The following GALNT12 variants were observed in gnomAD, a reference collection of about 807,000 sequenced individuals.
GALNT12 encodes polypeptide N-acetylgalactosaminyltransferase 12.
Under a neutral mutation model 55.5 loss-of-function variants are expected in GALNT12, and 45 were observed. That is an observed-to-expected ratio of 0.81 (90% confidence interval 0.64 to 1.04). The LOEUF (loss-of-function observed/expected upper bound fraction) is 1.04. Among genes scored for constraint, GALNT12 ranks in the 50% least tolerant of loss-of-function variants. GALNT12 has a pLI of 0.00. For missense variants in GALNT12, 709 were observed against 754.8 expected (o/e 0.94, Z 0.71); for synonymous variants, 304 against 312.2 (o/e 0.97, Z 0.28).
chr9:98,840,067 G>A lies in GALNT12; in HGVS notation c.1278G>A (p.Lys426=). 3.1e-6 allele frequency: 5 copies of A among 1,614,234 alleles called. No individual in the cohort carries two copies. The highest frequency in any genetic ancestry group is 4.2e-6 in the Non-Finnish European group (5 of 1,180,034). Reference sequence around the variant, plus strand: ...ACAAGCTCCAGTGTAAAGACTTCAAGTGGTTCTTGGAGACTGTGTATCCAG... The same window carrying A: ...ACAAGCTCCAGTGTAAAGACTTCAAATGGTTCTTGGAGACTGTGTATCCAG... The part of the protein sequence containing the change: ...LRDKLQCKDF[K]WFLETVYPEL... Residue 426 remains lysine (K), a synonymous_variant, in exon 7 of 10, where the codon AAG becomes AAA. Coordinates refer to ENST00000375011, the MANE Select transcript of GALNT12 (RefSeq NM_024642.5).
At chr9:98,841,753 C>T (rs922204766) in intron 7 of GALNT12, among the ~76,000 whole-genome samples, 4 of 152,078 alleles carry the variant, frequency 2.6e-5, no homozygotes, top group African/African-American at 4.8e-5. Flanking sequence ...TCACTGCAAC[C>T]TCTGCCTCAT....
At position 98,836,985 on chromosome 9, in the gene GALNT12, G is replaced by A. The variant is rs769466991; in HGVS notation, c.1049G>A (p.Gly350Asp). The A allele has an allele frequency of 2.5e-6, 4 of 1,613,990 alleles. No individual in the cohort carries two copies. Among genetic ancestry groups the A allele is most frequent in the African/African-American group, 1.3e-5 (1 of 74,894 alleles). Residue 350 changes from glycine (G) to aspartate (D), a missense_variant, in exon 6 of 10, where the codon GGT becomes GAT. By Grantham distance (94) the Gly-to-Asp change is moderately conservative (BLOSUM62 -1). Transcript: ENST00000375011. Reference sequence around the variant, plus strand: ...CTCTGTGTGCAGATCTGGCAGTGTGGTGGGGTTCTGGAAACACACCCATGT... The same window carrying A: ...CTCTGTGTGCAGATCTGGCAGTGTGATGGGGTTCTGGAAACACACCCATGT... ...LEFSFRIWQC[G>D]GVLETHPCSH...
rs955510774 is a variant in GALNT12 at position 98,846,011 on chromosome 9, A to G, written c.1493A>G (p.Tyr498Cys). ...TACACGTCCCAGAAAGAAATACGCT[A>G]TAACACCCACCAGCCTGAGGGCTGC... is the stretch of plus-strand genomic sequence containing the variant. ...FEYTSQKEIR[Y>C]NTHQPEGCIA... The change falls in exon 9 of 10, where the codon TAT (tyrosine) becomes TGT (cysteine). Residue 498 changes from tyrosine to cysteine, a missense_variant. By Grantham distance (194) the Tyr-to-Cys change is radical (BLOSUM62 -2). Coordinates refer to ENST00000375011, the MANE Select transcript of GALNT12 (RefSeq NM_024642.5). 42 of 1,614,056 alleles carry G rather than the reference A, an allele frequency of 2.6e-5. No homozygotes were observed. Among genetic ancestry groups the G allele is most frequent in the Non-Finnish European group, 3.4e-5 (40 of 1,180,022 alleles).
intron 1 of GALNT12, among the ~76,000 whole-genome samples, chr9:98,821,477 T>G (rs1835734905): frequency 6.6e-6 from 1 of 151,654 alleles, no homozygotes; most frequent in Admixed American, 6.6e-5. Flanking sequence ...AAAACAAAAT[T>G]AGCCGGGTGT....
At chr9:98,837,291 C>T (rs1042402532) in intron 6 of GALNT12, 143 bp downstream of exon 6, 1 of 799,826 alleles carries the variant, frequency 1.3e-6, no homozygotes, top group Admixed American at 1.9e-5. Flanking sequence ...AGAATTTATT[C>T]CTCCATTTAT....
rs376972328 is a variant in GALNT12, at chr9:98,818,374, C to T, written c.372-4882C>T. Among the ~76,000 whole-genome samples the T allele has an allele frequency of 2.7e-4, 41 of 152,246 alleles. No individual in the cohort carries two copies. In the East Asian group the frequency reaches 5.0e-3, roughly 19 times the overall value. On this transcript the variant is annotated intron_variant, in intron 1 of 9. Coordinates refer to ENST00000375011, the MANE Select transcript of GALNT12 (RefSeq NM_024642.5). The stretch of plus-strand genomic sequence containing the variant: ...AGTAGCTGGGATTACAGGCAGGCGC[C>T]GCCATGCCCGGCTAATTTTTTTGTA...
At chr9:98,845,287 C>T (rs1283744829) in intron 8 of GALNT12, among the ~76,000 whole-genome samples, 1 of 152,054 alleles carries the variant, frequency 6.6e-6, no homozygotes, top group Non-Finnish European at 1.5e-5. Flanking sequence ...TTAAGAACAC[C>T]CACCTGTGTC....
chr9:98,808,022 C>G lies in GALNT12; in HGVS notation c.324C>G (p.Ser108Arg). 1 of 1,572,326 alleles carries G rather than the reference C, an allele frequency of 6.4e-7. No homozygotes were observed. The highest frequency in any genetic ancestry group is 8.6e-7 in the Non-Finnish European group (1 of 1,162,476). Residue 108 changes from serine to arginine, a missense_variant, in exon 1 of 10, where the codon AGC (serine) becomes AGG (arginine). This residue lies in a region of GALNT12 where 315 missense variants were observed against 288.6 expected (regional missense o/e 1.09). Transcript: ENST00000375011. ...TGCACCAGATTAACATCTACCTCAG[C>G]GACCGCATCTCACTGCACCGCCGCC... ...VRLHQINIYL[S>R]DRISLHRRLP... is the part of the protein sequence containing the mutation.
At chr9:98,842,808 T>TAA (rs71498708) in intron 7 of GALNT12, among the ~76,000 whole-genome samples, 3,964 of 151,242 alleles carry the variant, frequency 0.026, 63 homozygotes, top group African/African-American at 0.031. Flanking sequence ...GTAACCATAT[T>TAA]AAAAAAAAAG....
chr9:98,838,437 C>T (rs1167544641), intron 6 of GALNT12, among the ~76,000 whole-genome samples: 1 of 152,216 alleles, frequency 6.6e-6, no homozygotes, highest in Non-Finnish European at 1.5e-5. Context: ...GTCTCAGCCA[C>T]ACACTACAGG....
chr9:98,845,843 A>G (rs1292256331), intron 8 of GALNT12, 134 bp from the exon 9 acceptor site: 22 of 870,972 alleles, frequency 2.5e-5, no homozygotes, highest in Non-Finnish European at 3.2e-5. Flanking sequence ...CCCATCACAC[A>G]GGCTCGTGTT....
At chr9:98,831,083 G>A (rs765751955) in intron 3 of GALNT12, among the ~76,000 whole-genome samples, 1 of 152,202 alleles carries the variant, frequency 6.6e-6, no homozygotes, top group Non-Finnish European at 1.5e-5. Flanking sequence ...TTGTAATAAT[G>A]TGGAGAGAAC....
chr9:98,844,615 ACCTT>A (rs1836371386), intron 8 of GALNT12: 2 of 252,520 alleles, frequency 7.9e-6, no homozygotes, highest in Non-Finnish European at 1.5e-5. Context: ...TGCCTCTAAC[ACCTT>A]GGGTCAGACA....
chr9:98,839,873 A>G (rs767226022), intron 6 of GALNT12, 129 bp from the exon 7 acceptor site: 2 of 1,120,508 alleles, frequency 1.8e-6, no homozygotes, highest in East Asian at 2.4e-5. Flanking sequence ...TGCTCCACAC[A>G]GGGCCTGGCA....
chr9:98,822,166 G>A (rs142734361), intron 1 of GALNT12, among the ~76,000 whole-genome samples: 113 of 152,336 alleles, frequency 7.4e-4, no homozygotes, highest in Middle Eastern at 3.4e-3. Flanking sequence ...AACCCAGGGA[G>A]CCTAGCTGGT....
At chr9:98,818,875 T>C (rs1407184079) in intron 1 of GALNT12, among the ~76,000 whole-genome samples, 3 of 152,208 alleles carry the variant, frequency 2.0e-5, no homozygotes, top group African/African-American at 7.2e-5. Context: ...GGTTCTGACT[T>C]GGAATCTCTC....
chr9:98,845,947 T>C, intron 8 of GALNT12, 30 bp from the exon 9 acceptor site: 1 of 1,613,004 alleles, frequency 6.2e-7, no homozygotes, highest in South Asian at 1.1e-5. Flanking sequence ...TGGAAAATGT[T>C]GTGTTACATG....
chr9:98,835,130 C>T (rs528325650), intron 4 of GALNT12, 119 bp from the exon 5 acceptor site: 13 of 799,638 alleles, frequency 1.6e-5, no homozygotes, highest in African/African-American at 5.0e-5. Context: ...GAGGTGAAGG[C>T]GGGATATGCT....
In GALNT12 at chr9:98,846,009, C is replaced by G. The variant is rs765327993; in HGVS notation, c.1491C>G (p.Arg497=). 6.2e-7 allele frequency: 1 copy of G among 1,614,176 alleles called. No homozygotes were observed. The highest frequency in any genetic ancestry group is 8.5e-7 in the Non-Finnish European group (1 of 1,180,018). Residue 497 remains arginine (R), a synonymous_variant, in exon 9 of 10, where the codon CGC becomes CGG. Coordinates refer to ENST00000375011, the MANE Select transcript of GALNT12 (RefSeq NM_024642.5). Reference sequence around the variant, plus strand: ...AGTACACGTCCCAGAAAGAAATACGCTATAACACCCACCAGCCTGAGGGCT... The same window carrying G: ...AGTACACGTCCCAGAAAGAAATACGGTATAACACCCACCAGCCTGAGGGCT... ...FFEYTSQKEI[R]YNTHQPEGCI...
Sources: allele counts gnomAD v4.1 joint callset (sites outside exome capture counted in the v4.1 genomes callset), GRCh38; gene constraint gnomAD v4.1.1; regional missense constraint gnomAD v4.1.1; transcripts MANE v1.5; gene names NCBI Gene and HGNC (gene_info 2026-07-23, HGNC 2026-07-21).